ZNF423: variants seen among roughly 807,000 people sequenced by gnomAD.
ZNF423 encodes the protein zinc finger protein 423, also known as Ebf-associated zinc finger protein.
In ZNF423, 12 loss-of-function variants were observed where a neutral mutation model predicts 95.8. The ratio of observed to expected loss-of-function variants is 0.13; its 90% CI spans 0.08 to 0.20. ZNF423 has a LOEUF of 0.20. Ranked by LOEUF, ZNF423 falls within the 10% of genes least tolerant of loss-of-function variation. ZNF423 has a pLI of 1.00. For synonymous variants in ZNF423, 749 were observed against 711.9 expected (o/e 1.05, Z -0.83); for missense variants, 1,316 against 1,737.1 (o/e 0.76, Z 4.31).
chr16:49,664,388 A>T (rs2030426044), intron 3 of ZNF423: 11 of 720,758 alleles, frequency 1.5e-5, no homozygotes, highest in Non-Finnish European at 1.9e-5. Flanking sequence ...ACAGATGGGG[A>T]GGGAGAGGAC....
chr16:49,489,830 T>G lies in ZNF423; in HGVS notation c.*1445A>C, dbSNP rs549108553. The G allele has an allele frequency of 2.6e-5, 4 of 152,468 alleles. No homozygotes were observed. The highest frequency in any genetic ancestry group is 5.9e-5 in the Non-Finnish European group (4 of 68,120). The allele number at this position is 152,468 out of a possible 1,614,324, so 9.4% of individuals were successfully genotyped here. A position where few individuals can be genotyped will look rare whatever the true frequency, so the allele number is the denominator to read the frequency against. ...TTGGCAAGTCAGCTGAGCACCAGCA[T>G]GATGGAGGTGTGGGAGGTAACATGG... On this transcript the variant is annotated 3_prime_UTR_variant, in exon 8 of 8. Coordinates refer to ENST00000563137, the MANE Select transcript of ZNF423 (RefSeq NM_001379286.1).
chr16:49,735,663 ACAC>A (rs2033268522), intron 2 of ZNF423, among the ~76,000 whole-genome samples: 1 of 152,106 alleles, frequency 6.6e-6, no homozygotes, highest in African/African-American at 2.4e-5. Flanking sequence ...ATCTCCTGGG[ACAC>A]TCCCCCTTCA....
chr16:49,781,834 T>C (rs1035434349), intron 2 of ZNF423, among the ~76,000 whole-genome samples: 4 of 152,156 alleles, frequency 2.6e-5, no homozygotes, highest in African/African-American at 9.7e-5. Flanking sequence ...ATGGGAGGCT[T>C]CAATGCATTC....
At chr16:49,682,818 T>C (rs955884939) in intron 3 of ZNF423, among the ~76,000 whole-genome samples, 4 of 152,340 alleles carry the variant, frequency 2.6e-5, no homozygotes, top group Non-Finnish European at 4.4e-5. Context: ...TAAACAGCAA[T>C]TATTTTGTCA....
At chr16:49,736,889 G>A (rs1393293260) in intron 2 of ZNF423, among the ~76,000 whole-genome samples, 2 of 152,292 alleles carry the variant, frequency 1.3e-5, no homozygotes, top group East Asian at 1.9e-4. Context: ...AGCAGACAGC[G>A]GACCCTGCAG....
At chr16:49,561,820 T>C (rs1023924065) in intron 5 of ZNF423, among the ~76,000 whole-genome samples, 1 of 152,206 alleles carries the variant, frequency 6.6e-6, no homozygotes, top group African/African-American at 2.4e-5. Flanking sequence ...TCTGGATGCA[T>C]TCTTTATTTC....
At chr16:49,519,286 T>A (rs1597039418) in intron 7 of ZNF423, among the ~76,000 whole-genome samples, 1 of 152,192 alleles carries the variant, frequency 6.6e-6, no homozygotes, top group South Asian at 2.1e-4. Context: ...TTCCTTTTTT[T>A]CTTGGGTAAA....
intron 3 of ZNF423, among the ~76,000 whole-genome samples, chr16:49,717,917 C>T (rs1197348493): frequency 6.6e-6 from 1 of 152,160 alleles, no homozygotes; most frequent in African/African-American, 2.4e-5. Context: ...ACCACTCATG[C>T]ACACATTGGC....
At chr16:49,621,484 G>A (rs923678387) in intron 5 of ZNF423, among the ~76,000 whole-genome samples, 9 of 152,156 alleles carry the variant, frequency 5.9e-5, no homozygotes, top group African/African-American at 2.2e-4. Flanking sequence ...GCCATGCAGA[G>A]GCCCCCGCTA....
intron 7 of ZNF423, among the ~76,000 whole-genome samples, chr16:49,513,329 T>C (rs73578450): frequency 0.054 from 8,151 of 152,268 alleles, 325 homozygotes; most frequent in African/African-American, 0.11. Context: ...GGGCCATCTC[T>C]AAAGCAGGAA....
intron 3 of ZNF423, among the ~76,000 whole-genome samples, chr16:49,672,010 A>G (rs1313127132): frequency 6.6e-6 from 1 of 151,912 alleles, no homozygotes; most frequent in Non-Finnish European, 1.5e-5. Context: ...CCTGTCCACA[A>G]CTCCCTACCC....
chr16:49,630,739 A>G (rs1972468137), intron 4 of ZNF423, among the ~76,000 whole-genome samples: 1 of 152,094 alleles, frequency 6.6e-6, no homozygotes, highest in African/African-American at 2.4e-5. Context: ...TGCTTGGAAA[A>G]TACATCCCCA....
intron 7 of ZNF423, among the ~76,000 whole-genome samples, chr16:49,499,725 G>A (rs1359691713): frequency 6.6e-6 from 1 of 152,170 alleles, no homozygotes; most frequent in Non-Finnish European, 1.5e-5. Flanking sequence ...CCATGAGCAG[G>A]AAACTCTTCC....
chr16:49,819,533 C>T (rs1258155535), intron 1 of ZNF423, among the ~76,000 whole-genome samples: 1 of 152,008 alleles, frequency 6.6e-6, no homozygotes, highest in Non-Finnish European at 1.5e-5. Flanking sequence ...CTGCAACCTC[C>T]GCCTCCTAGG....
intron 1 of ZNF423, among the ~76,000 whole-genome samples, chr16:49,808,978 C>A (rs572712798): frequency 6.6e-6 from 1 of 152,196 alleles, no homozygotes; most frequent in African/African-American, 2.4e-5. Flanking sequence ...AGGGCCAGAG[C>A]CCCTGGCAGG....
At chr16:49,503,026 C>T (rs928442771) in intron 7 of ZNF423, among the ~76,000 whole-genome samples, 4 of 151,808 alleles carry the variant, frequency 2.6e-5, no homozygotes, top group African/African-American at 4.8e-5. Flanking sequence ...ACCCCACAAC[C>T]CCATGCAGGT....
intron 2 of ZNF423, among the ~76,000 whole-genome samples, chr16:49,778,904 C>T (rs902525478): frequency 5.3e-5 from 8 of 152,190 alleles, no homozygotes; most frequent in African/African-American, 1.9e-4. Flanking sequence ...CCGTGCCATC[C>T]TCACAATGGC....
At chr16:49,735,752 A>G (rs774255196) in intron 2 of ZNF423, among the ~76,000 whole-genome samples, 1 of 152,214 alleles carries the variant, frequency 6.6e-6, no homozygotes, top group Non-Finnish European at 1.5e-5. Flanking sequence ...AACAGCTCCC[A>G]GCTTCCAGCA....
chr16:49,747,705 T>C (rs1220746674), intron 2 of ZNF423, among the ~76,000 whole-genome samples: 1 of 149,262 alleles, frequency 6.7e-6, no homozygotes, highest in African/African-American at 2.5e-5. Context: ...TTTTAGATCA[T>C]AAAAGTTTTT....
Sources: allele counts gnomAD v4.1 joint callset (sites outside exome capture counted in the v4.1 genomes callset), GRCh38; gene constraint gnomAD v4.1.1; transcripts MANE v1.5; gene names NCBI Gene and HGNC (gene_info 2026-07-23, HGNC 2026-07-21).